Variants in ST13 observed in about 807,000 individuals in gnomAD.
The protein encoded by ST13 is hsc70-interacting protein.
A neutral mutation model predicts 56.7 loss-of-function variants in ST13; 23 were observed. The ratio of observed to expected loss-of-function variants is 0.41; its 90% CI spans 0.29 to 0.57. The LOEUF is 0.57. Among genes scored for constraint, ST13 ranks in the 20% least tolerant of loss-of-function variants. The pLI is 0.36. For synonymous variants in ST13, 132 were observed against 142.4 expected (o/e 0.93, Z 0.52); for missense variants, 369 against 459.9 (o/e 0.80, Z 1.81).
At chr22:40,830,211 CTA>C (rs2057747769) in intron 9 of ST13, among the ~76,000 whole-genome samples, 1 of 152,046 alleles carries the variant, frequency 6.6e-6, no homozygotes, top group Non-Finnish European at 1.5e-5. Context: ...AGATTATAAA[CTA>C]TAACCTTAAA....
chr22:40,826,461 G>C lies in ST13; in HGVS notation c.*77C>G. 5 of 1,492,152 alleles carry C rather than the reference G, an allele frequency of 3.4e-6. No homozygotes were observed. Among genetic ancestry groups the C allele is most frequent in the Non-Finnish European group, 4.5e-6 (5 of 1,100,426 alleles). The allele number at this position is 1,492,152 out of a possible 1,614,324, so 92.4% of individuals were successfully genotyped here. A position where few individuals can be genotyped will look rare whatever the true frequency, so the allele number is the denominator to read the frequency against. On this transcript the variant is annotated 3_prime_UTR_variant, in exon 12 of 12. Coordinates refer to ENST00000216218, the MANE Select transcript of ST13 (RefSeq NM_003932.5). ...TGATGAGAAGGTCAGAGGTACACTG[G>C]TTTGTATTATTGCGACATCCATAAG...
intron 5 of ST13, 31 bp from the exon 6 acceptor site, chr22:40,835,918 T>C: frequency 6.6e-7 from 1 of 1,510,352 alleles, no homozygotes; most frequent in South Asian, 1.2e-5. Flanking sequence ...TCGAGAAATA[T>C]TCAGAGGATA....
At position 40,835,364 on chromosome 22, in the gene ST13, T is replaced by G. The variant is rs1488262375; in HGVS notation, c.578+196A>C. On this transcript the variant is annotated intron_variant, in intron 7 of 11. Transcript: ENST00000216218. Reference sequence around the variant, plus strand: ...TTCTTCCTTCCTATATTCTCACTTCTTCTTTTAAATTTCTTTTTTTTTTCT... The same window carrying G: ...TTCTTCCTTCCTATATTCTCACTTCGTCTTTTAAATTTCTTTTTTTTTTCT... 3 of 456,088 alleles carry G rather than the reference T, an allele frequency of 6.6e-6. No homozygotes were observed. The East Asian group carries it at 1.0e-4, about 16-fold the overall frequency. The allele number at this position is 456,088 out of a possible 1,614,324, so 28.3% of individuals were successfully genotyped here.
intron 5 of ST13, among the ~76,000 whole-genome samples, chr22:40,838,717 T>G (rs1249764659): frequency 6.6e-6 from 1 of 152,102 alleles, no homozygotes; most frequent in Admixed American, 6.6e-5. Flanking sequence ...GCCATGACCA[T>G]GCCACTGCAC....
intron 4 of ST13, among the ~76,000 whole-genome samples, chr22:40,842,838 C>G (rs1431828016): frequency 6.6e-6 from 1 of 152,226 alleles, no homozygotes; most frequent in Non-Finnish European, 1.5e-5. Context: ...AAAGTACTTA[C>G]ATTTGTTCTT....
At chr22:40,852,106 T>C (rs2057864550) in intron 1 of ST13, among the ~76,000 whole-genome samples, 1 of 152,248 alleles carries the variant, frequency 6.6e-6, no homozygotes, top group Non-Finnish European at 1.5e-5. Flanking sequence ...GTGGAATTTG[T>C]GGTCATAAGG....
chr22:40,853,758 C>T (rs1250341854), intron 1 of ST13, among the ~76,000 whole-genome samples: 1 of 152,092 alleles, frequency 6.6e-6, no homozygotes, highest in Non-Finnish European at 1.5e-5. Context: ...TAGGAAAAGC[C>T]ATGTGCCACG....
intron 2 of ST13, among the ~76,000 whole-genome samples, chr22:40,850,409 C>A (rs1364655039): frequency 6.6e-6 from 1 of 152,184 alleles, no homozygotes; most frequent in Non-Finnish European, 1.5e-5. Flanking sequence ...TTCACACTCA[C>A]AAATATCACT....
At chr22:40,836,983 T>C (rs922455313) in intron 5 of ST13, among the ~76,000 whole-genome samples, 1 of 152,152 alleles carries the variant, frequency 6.6e-6, no homozygotes, top group Non-Finnish European at 1.5e-5. Flanking sequence ...ACCTGGCTAA[T>C]TAAAAAAAAT....
intron 1 of ST13, 22 bp downstream of exon 1, chr22:40,856,408 CG>C: frequency 6.3e-7 from 1 of 1,597,984 alleles, no homozygotes; most frequent in Non-Finnish European, 8.6e-7. Flanking sequence ...CCGCCCCCAA[CG>C]GTCCTCAGGC....
rs1216381581 is a variant in ST13, at chr22:40,848,389, C to T, written c.169-20G>A. The T allele has an allele frequency of 3.5e-6, 5 of 1,444,624 alleles. No homozygotes were observed. Among genetic ancestry groups the T allele is most frequent in the African/African-American group, 2.8e-5 (2 of 71,422 alleles). 89.5% of individuals were successfully genotyped at this position (1,444,624 alleles called of 1,614,324 possible). A position where few individuals can be genotyped will look rare whatever the true frequency, so the allele number is the denominator to read the frequency against. On this transcript the variant is annotated intron_variant, in intron 2 of 11. Coordinates refer to ENST00000216218, the MANE Select transcript of ST13 (RefSeq NM_003932.5). ...TTCTTCCTAGCAAAGGGAAGACAAACAGTACTATCAGTATTTAATAACATA... is the reference window on the plus strand; with the variant it reads ...TTCTTCCTAGCAAAGGGAAGACAAATAGTACTATCAGTATTTAATAACATA...
In ST13 at chr22:40,824,629, T is replaced by C. The variant is rs1399460024; in HGVS notation, c.*1909A>G. 1 of 152,208 alleles carries C rather than the reference T, an allele frequency of 6.6e-6. No individual in the cohort carries two copies. The allele number at this position is 152,208 out of a possible 1,614,324, so 9.4% of individuals were successfully genotyped here. ...GAGGAATTTTACTTTTACCCACTTATGGTAATATTTGCAATATTAGAATAT... is the reference window on the plus strand; with the variant it reads ...GAGGAATTTTACTTTTACCCACTTACGGTAATATTTGCAATATTAGAATAT... On this transcript the variant is annotated 3_prime_UTR_variant, in exon 12 of 12. Coordinates refer to ENST00000216218, the MANE Select transcript of ST13 (RefSeq NM_003932.5).
At chr22:40,854,148 A>G (rs886080073) in intron 1 of ST13, among the ~76,000 whole-genome samples, 1 of 152,250 alleles carries the variant, frequency 6.6e-6, no homozygotes, top group African/African-American at 2.4e-5. Context: ...CAACTTGAGT[A>G]ACCCTAACAG....
chr22:40,844,267 A>C (rs376405387), intron 4 of ST13, among the ~76,000 whole-genome samples: 2 of 152,228 alleles, frequency 1.3e-5, no homozygotes, highest in South Asian at 2.1e-4. Context: ...TCAAGTTTTG[A>C]GGATAAAAAC....
intron 5 of ST13, among the ~76,000 whole-genome samples, chr22:40,839,395 T>C (rs868054660): frequency 1.7e-4 from 26 of 152,286 alleles, no homozygotes; most frequent in African/African-American, 6.0e-4. Flanking sequence ...GAGTGAAATA[T>C]TACTCAAGCA....
chr22:40,836,308 G>A (rs868156037), intron 5 of ST13, among the ~76,000 whole-genome samples: 5 of 152,176 alleles, frequency 3.3e-5, no homozygotes, highest in African/African-American at 9.7e-5. Flanking sequence ...AAAATTAGCT[G>A]GGCGTGGGGG....
intron 3 of ST13, among the ~76,000 whole-genome samples, chr22:40,847,378 C>CAAA (rs71200623): frequency 5.6e-4 from 73 of 130,642 alleles, no homozygotes; most frequent in African/African-American, 1.9e-3. Flanking sequence ...CCTGTCTCTA[C>CAAA]AAAAAAAAAA....
At chr22:40,836,995 T>G (rs910858682) in intron 5 of ST13, among the ~76,000 whole-genome samples, 90 of 152,270 alleles carry the variant, frequency 5.9e-4, no homozygotes, top group African/African-American at 2.1e-3. Context: ...AAAAAAAATT[T>G]TTTAGAGACT....
At chr22:40,846,510 C>T (rs1313868388) in intron 3 of ST13, among the ~76,000 whole-genome samples, 1 of 152,068 alleles carries the variant, frequency 6.6e-6, no homozygotes, top group East Asian at 1.9e-4. Flanking sequence ...CTAAGCTTGT[C>T]TATCAAAGTT....
Sources: allele counts gnomAD v4.1 joint callset (sites outside exome capture counted in the v4.1 genomes callset), GRCh38; gene constraint gnomAD v4.1.1; transcripts MANE v1.5; gene names NCBI Gene and HGNC (gene_info 2026-07-23, HGNC 2026-07-21).